Variants in THEM6 observed in about 807,000 individuals in gnomAD.
THEM6 encodes the protein protein THEM6.
A neutral mutation model predicts 13.7 loss-of-function variants in THEM6; 10 were observed. The observed-to-expected ratio is 0.73, with a 90% CI of 0.45 to 1.24. The LOEUF is 1.24. Among genes scored for constraint, THEM6 ranks in the 50% most tolerant of loss-of-function variants. THEM6 has a pLI of 0.00. For missense variants in THEM6, 317 were observed against 312.6 expected, an observed-to-expected ratio of 1.01 and a Z score of -0.11; for synonymous variants, 161 against 156.0, an observed-to-expected ratio of 1.03 and a Z score of -0.24.
At chr8:142,732,026 G>A (rs1815655649) in intron 1 of THEM6, among the ~76,000 whole-genome samples, 1 of 150,602 alleles carries the variant, frequency 6.6e-6, no homozygotes, top group Non-Finnish European at 1.5e-5. Flanking sequence ...CTGTCTGCTG[G>A]TCTTTCCTTT....
At position 142,735,419 on chromosome 8, in the gene THEM6, G is replaced by C; in HGVS notation, c.607G>C (p.Asp203His). The change falls in exon 2 of 2, where the codon GAT becomes CAT. Residue 203 changes from aspartate to histidine, a missense_variant. Coordinates refer to ENST00000336138, the MANE Select transcript of THEM6 (RefSeq NM_016647.3). ...GCTCCGCATGGAGAGTGGGCTCAGT[G>C]ATGTCACCAAGGACCAGTGACCGCC... ...QLLRMESGLSDVTKDQ is the reference protein window; with the variant it reads ...QLLRMESGLSHVTKDQ The C allele has an allele frequency of 6.3e-7, 1 of 1,579,484 alleles. No individual in the cohort carries two copies. The highest frequency in any genetic ancestry group is 8.6e-7 in the Non-Finnish European group (1 of 1,162,884).
intron 1 of THEM6, among the ~76,000 whole-genome samples, chr8:142,728,153 C>T (rs1815556396): frequency 6.6e-6 from 1 of 152,198 alleles, no homozygotes; most frequent in African/African-American, 2.4e-5. Context: ...TCGTGTTCAC[C>T]CCTCTCCTCT....
chr8:142,728,508 C>T (rs1815567008), intron 1 of THEM6, among the ~76,000 whole-genome samples: 1 of 152,256 alleles, frequency 6.6e-6, no homozygotes, highest in African/African-American at 2.4e-5. Context: ...GACCAGTTGC[C>T]AGAAAAGTTG....
chr8:142,732,075 T>C (rs1815656679), intron 1 of THEM6, among the ~76,000 whole-genome samples: 1 of 148,722 alleles, frequency 6.7e-6, no homozygotes. Flanking sequence ...TTCCCCCCTC[T>C]CCTTCCCCTT....
chr8:142,729,618 A>T (rs1554642767), intron 1 of THEM6, among the ~76,000 whole-genome samples: 1 of 152,150 alleles, frequency 6.6e-6, no homozygotes, highest in African/African-American at 2.4e-5. Flanking sequence ...ATGCGTATTT[A>T]AAAAATACCT....
chr8:142,728,734 A>G (rs1352047694), intron 1 of THEM6, among the ~76,000 whole-genome samples: 1 of 152,168 alleles, frequency 6.6e-6, no homozygotes, highest in African/African-American at 2.4e-5. Context: ...TGCAGCGCAC[A>G]GTGAAAGCAA....
chr8:142,735,244 C>A, intron 1 of THEM6, 82 bp from the exon 2 acceptor site: 1 of 1,049,220 alleles, frequency 9.5e-7, no homozygotes, highest in Admixed American at 2.0e-5. Context: ...TGGAAGGTCA[C>A]GGGCTGGGGA....
intron 1 of THEM6, among the ~76,000 whole-genome samples, chr8:142,733,749 A>G (rs1815702329): frequency 6.6e-6 from 1 of 152,230 alleles, no homozygotes; most frequent in African/African-American, 2.4e-5. Flanking sequence ...TGCCAAGGAT[A>G]AGGACTCACC....
At position 142,735,422 on chromosome 8, in the gene THEM6, G is replaced by A. The variant is rs370237687; in HGVS notation, c.610G>A (p.Val204Ile). The A allele has an allele frequency of 2.2e-5, 34 of 1,578,128 alleles. No individual in the cohort carries two copies. In the African/African-American group the frequency reaches 3.4e-4, roughly 16 times the overall value. Reference sequence around the variant, plus strand: ...CCGCATGGAGAGTGGGCTCAGTGATGTCACCAAGGACCAGTGACCGCCACC... The same window carrying A: ...CCGCATGGAGAGTGGGCTCAGTGATATCACCAAGGACCAGTGACCGCCACC... ...LLRMESGLSD[V>I]TKDQ The change falls in exon 2 of 2, where the codon GTC (valine) becomes ATC (isoleucine). Residue 204 changes from valine to isoleucine, a missense_variant. Physicochemically the swap from Val to Ile is conservative, Grantham distance 29. Coordinates refer to ENST00000336138, the MANE Select transcript of THEM6 (RefSeq NM_016647.3).
chr8:142,733,591 G>A (rs1209439610), intron 1 of THEM6, among the ~76,000 whole-genome samples: 1 of 152,174 alleles, frequency 6.6e-6, no homozygotes, highest in Admixed American at 6.5e-5. Context: ...CTGACACTGA[G>A]AGGTCATGTC....
In THEM6 at chr8:142,727,688, G is replaced by A; in HGVS notation, c.342G>A (p.Leu114=). The change falls in exon 1 of 2, where the codon CTG becomes CTA. Residue 114 remains leucine, a synonymous_variant. Transcript: ENST00000336138. The part of the protein sequence containing the change: ...CARHRRSLRL[L]EPFEVRTRLL... ...GCCACCGCCGCTCGCTGCGCCTGCT[G>A]GAGCCCTTCGAGGTGCGCACCCGCC... is the stretch of plus-strand genomic sequence containing the variant. 1 of 1,431,904 alleles carries A rather than the reference G, an allele frequency of 7.0e-7. No individual in the cohort carries two copies. The highest frequency in any genetic ancestry group is 1.5e-5 in the South Asian group (1 of 68,460). 88.7% of individuals were successfully genotyped at this position (1,431,904 alleles called of 1,614,324 possible). A position where few individuals can be genotyped will look rare whatever the true frequency, so the allele number is the denominator to read the frequency against.
chr8:142,735,132 C>T, intron 1 of THEM6, 194 bp from the exon 2 acceptor site: 1 of 580,698 alleles, frequency 1.7e-6, no homozygotes, highest in Non-Finnish European at 3.1e-6. Context: ...ACGGGCCAGG[C>T]ACAAGCGGGG....
intron 1 of THEM6, among the ~76,000 whole-genome samples, chr8:142,731,577 C>T (rs1815647072): frequency 6.6e-6 from 1 of 152,168 alleles, no homozygotes; most frequent in African/African-American, 2.4e-5. Context: ...CAGTTTCACC[C>T]TCTATGTCTT....
Position 142,727,480 on chromosome 8 carries a change from T to G in THEM6, c.134T>G (p.Leu45Arg). ...RLLQPRVRDLLAEQRFPGRVL... is the reference protein window; with the variant it reads ...RLLQPRVRDLRAEQRFPGRVL... ...CTGCAGCCGCGCGTCCGTGACCTGC[T>G]AGCTGAGCAGCGCTTCCCGGGCCGC... is the stretch of plus-strand genomic sequence containing the variant. Residue 45 changes from leucine to arginine, a missense_variant, in exon 1 of 2, where the codon CTA (leucine) becomes CGA (arginine). Coordinates refer to ENST00000336138, the MANE Select transcript of THEM6 (RefSeq NM_016647.3). 6.3e-7 allele frequency: 1 copy of G among 1,576,868 alleles called. No individual in the cohort carries two copies.
chr8:142,731,950 C>T (rs1554642977), intron 1 of THEM6, among the ~76,000 whole-genome samples: 1 of 151,890 alleles, frequency 6.6e-6, no homozygotes, highest in Non-Finnish European at 1.5e-5. Flanking sequence ...CTGCTCTCTT[C>T]CTGGCGCCGC....
chr8:142,735,456 G>A lies in THEM6; in HGVS notation c.*17G>A, dbSNP rs377169734. The A allele has an allele frequency of 1.9e-4, 285 of 1,535,174 alleles. 1 individual carries two copies. Among genetic ancestry groups the A allele is most frequent in the Non-Finnish European group, 2.1e-4 (234 of 1,131,530 alleles). ...GACCAGTGACCGCCACCTTCACACC[G>A]TCTGCCCTGGCCACCATCCTGGGCC... On this transcript the variant is annotated 3_prime_UTR_variant, in exon 2 of 2. Transcript: ENST00000336138.
At position 142,732,161 on chromosome 8, in the gene THEM6, A is replaced by AACATATATATAT. The variant is rs1217552333; in HGVS notation, c.514-3164_514-3163insCATATATATATA. Among the ~76,000 whole-genome samples, 70 of 37,240 alleles carry AACATATATATAT rather than the reference A, an allele frequency of 1.9e-3. 3 individuals carry two copies. The highest frequency in any genetic ancestry group is 3.9e-3 in the African/African-American group (56 of 14,372). The allele number at this position is 37,240 out of a possible 152,430, so 24.4% of individuals were successfully genotyped here. ...GTGAAGAGGGGAAAAGGGAGTTTTG[A>AACATATATATAT]ATATATATATATATATATATATATA... On this transcript the variant is annotated intron_variant, in intron 1 of 1. Coordinates refer to ENST00000336138, the MANE Select transcript of THEM6 (RefSeq NM_016647.3).
Position 142,727,845 on chromosome 8 carries a change from C to T in THEM6, c.499C>T (p.Leu167=). ...GTSPERVVQH[L]CQRRVEPPEL... ...CTCACCCGAGCGCGTCGTGCAGCAC[C>T]TGTGCCAGCGCAGGGTGAGCGGCCC... is the stretch of plus-strand genomic sequence containing the variant. Residue 167 remains leucine, a synonymous_variant, in exon 1 of 2, where the codon CTG becomes TTG. Transcript: ENST00000336138. 1 of 1,430,608 alleles carries T rather than the reference C, an allele frequency of 7.0e-7. No individual in the cohort carries two copies. The highest frequency in any genetic ancestry group is 9.1e-7 in the Non-Finnish European group (1 of 1,100,776). 88.6% of individuals were successfully genotyped at this position (1,430,608 alleles called of 1,614,324 possible).
intron 1 of THEM6, among the ~76,000 whole-genome samples, chr8:142,733,950 G>C (rs913233533): frequency 6.6e-5 from 10 of 152,196 alleles, no homozygotes; most frequent in African/African-American, 2.4e-4. Context: ...CAGTAGAAAG[G>C]CATGTCTGGG....
Sources: gnomAD v4.1 joint callset for allele counts (sites outside exome capture counted in the v4.1 genomes callset) on GRCh38, gnomAD v4.1.1 for gene constraint, MANE v1.5 for transcripts, NCBI Gene and HGNC (gene_info 2026-07-23, HGNC 2026-07-21) for gene names.